The following BMPR1B variants were observed in gnomAD, a reference collection of about 807,000 sequenced individuals.
BMPR1B encodes bone morphogenetic protein receptor type-1B.
BMPR1B carries 12 observed loss-of-function variants against 59.1 expected under a neutral mutation model. The ratio of observed to expected loss-of-function variants is 0.20; its 90% CI spans 0.13 to 0.33. The LOEUF is 0.33. Ranked by LOEUF, BMPR1B falls within the 10% of genes least tolerant of loss-of-function variation. The pLI is 1.00. For missense variants in BMPR1B, 550 were observed against 610.9 expected (o/e 0.90, Z 1.05); for synonymous variants, 237 against 207.3 (o/e 1.14, Z -1.23).
At chr4:94,866,568 C>T (rs1287699199) in intron 1 of BMPR1B, among the ~76,000 whole-genome samples, 1 of 151,928 alleles carries the variant, frequency 6.6e-6, no homozygotes, top group Non-Finnish European at 1.5e-5. Flanking sequence ...ACCACCAATT[C>T]ATTGCTTTTT....
intron 1 of BMPR1B, among the ~76,000 whole-genome samples, chr4:94,794,693 C>A (rs931054473): frequency 2.0e-5 from 3 of 151,858 alleles, no homozygotes; most frequent in Non-Finnish European, 2.9e-5. Flanking sequence ...CTTTTATTTC[C>A]TTGAGCAGTG....
intron 3 of BMPR1B, among the ~76,000 whole-genome samples, chr4:95,049,140 GTC>G (rs891839514): frequency 2.6e-5 from 4 of 152,006 alleles, no homozygotes; most frequent in African/African-American, 9.7e-5. Context: ...TGGAGATGGG[GTC>G]TTGCTCTGTC....
At chr4:95,150,897 C>T (rs755553957) in intron 11 of BMPR1B, among the ~76,000 whole-genome samples, 3 of 152,142 alleles carry the variant, frequency 2.0e-5, no homozygotes, top group Non-Finnish European at 4.4e-5. Flanking sequence ...ATCTCAGAAA[C>T]GCATTTGTGA....
intron 3 of BMPR1B, among the ~76,000 whole-genome samples, chr4:95,075,422 T>C (rs1728629868): frequency 6.6e-6 from 1 of 152,210 alleles, no homozygotes. Context: ...TTTCACATGT[T>C]GTATGTAGAC....
rs139081492 is a variant in BMPR1B at position 94,850,801 on chromosome 4, A to G, written c.-182-25030A>G. Among the ~76,000 whole-genome samples, 658 of 152,152 alleles carry G rather than the reference A, an allele frequency of 4.3e-3. 6 individuals are homozygous for G. Among genetic ancestry groups the G allele is most frequent in the African/African-American group, 0.015 (629 of 41,516 alleles). On this transcript the variant is annotated intron_variant, in intron 1 of 12. Transcript: ENST00000515059. ...TTTCTTCGAAACTTACTCCAAACAGATATCCCAGATTGTTCTTGTATCTTA... is the reference window on the plus strand; with the variant it reads ...TTTCTTCGAAACTTACTCCAAACAGGTATCCCAGATTGTTCTTGTATCTTA...
chr4:94,849,793 G>GGTGT (rs1553912364), intron 1 of BMPR1B, among the ~76,000 whole-genome samples: 22 of 26,920 alleles, frequency 8.2e-4, no homozygotes, highest in Admixed American at 1.6e-3. Flanking sequence ...GGGGTTTTTT[G>GGTGT]GTGTGTGTGT....
chr4:94,834,165 A>G (rs1454254769), intron 1 of BMPR1B, among the ~76,000 whole-genome samples: 1 of 152,172 alleles, frequency 6.6e-6, no homozygotes, highest in Admixed American at 6.5e-5. Context: ...CCAAGGCTGT[A>G]GAAGGCACAG....
intron 1 of BMPR1B, among the ~76,000 whole-genome samples, chr4:94,829,688 T>C (rs6831418): frequency 0.63 from 96,024 of 152,002 alleles, 31,842 homozygotes; most frequent in African/African-American, 0.84. Context: ...TGCATAGAAA[T>C]GGAGAGGAAA....
chr4:94,827,745 A>G (rs1724436200), intron 1 of BMPR1B, among the ~76,000 whole-genome samples: 2 of 152,206 alleles, frequency 1.3e-5, no homozygotes, highest in South Asian at 4.1e-4. Flanking sequence ...AAGATTTTAA[A>G]TATTTATTTA....
chr4:95,046,728 A>G (rs1428818445), intron 3 of BMPR1B, among the ~76,000 whole-genome samples: 1 of 152,134 alleles, frequency 6.6e-6, no homozygotes, highest in African/African-American at 2.4e-5. Flanking sequence ...ACATTTTCAA[A>G]TGGAGACCTT....
chr4:94,784,939 C>T (rs1475235169), intron 1 of BMPR1B, among the ~76,000 whole-genome samples: 1 of 152,164 alleles, frequency 6.6e-6, no homozygotes, highest in Admixed American at 6.5e-5. Context: ...TGATGTGCCG[C>T]ATCTGGACCT....
intron 2 of BMPR1B, among the ~76,000 whole-genome samples, chr4:94,910,682 A>G (rs998906423): frequency 6.6e-6 from 1 of 152,032 alleles, no homozygotes; most frequent in Non-Finnish European, 1.5e-5. Context: ...CCCAGGCAGG[A>G]GAATCACTTG....
chr4:95,127,090 C>T (rs1021054490), intron 8 of BMPR1B, among the ~76,000 whole-genome samples: 5 of 99,448 alleles, frequency 5.0e-5, no homozygotes, highest in Non-Finnish European at 1.2e-4. Flanking sequence ...TGTCTTCTCA[C>T]AGTCCTGGAA....
rs149408266 is a variant in BMPR1B, at chr4:94,790,993, T to A, written c.-183+32925T>A. Reference sequence around the variant, plus strand: ...ACCTTACCAAGTAGGTCTTTTTGTTTGTTTGTTTTTCTGAGATGGAGTCTT... The same window carrying A: ...ACCTTACCAAGTAGGTCTTTTTGTTAGTTTGTTTTTCTGAGATGGAGTCTT... On this transcript the variant is annotated intron_variant, in intron 1 of 12. Coordinates refer to ENST00000515059, the MANE Select transcript of BMPR1B (RefSeq NM_001203.3). Among the ~76,000 whole-genome samples, 307 of 152,270 alleles carry A rather than the reference T, an allele frequency of 2.0e-3. 8 individuals are homozygous for A. Among genetic ancestry groups the A allele is most frequent in the East Asian group, 0.018 (91 of 5,176 alleles).
chr4:94,828,347 T>C (rs1423191373), intron 1 of BMPR1B, among the ~76,000 whole-genome samples: 1 of 152,190 alleles, frequency 6.6e-6, no homozygotes, highest in Non-Finnish European at 1.5e-5. Context: ...TACATGGTAA[T>C]AATTTGGGTT....
At chr4:94,837,282 T>C (rs1724862206) in intron 1 of BMPR1B, among the ~76,000 whole-genome samples, 1 of 149,758 alleles carries the variant, frequency 6.7e-6, no homozygotes, top group Non-Finnish European at 1.5e-5. Flanking sequence ...GTAGTTTTTT[T>C]CCATTTCTGT....
At chr4:94,968,805 G>C (rs1282297521) in intron 2 of BMPR1B, among the ~76,000 whole-genome samples, 3 of 151,934 alleles carry the variant, frequency 2.0e-5, no homozygotes, top group African/African-American at 7.3e-5. Flanking sequence ...CAAGGAATGT[G>C]GTCTTTTTGT....
chr4:95,124,082 A>G (rs1446163638), intron 7 of BMPR1B, among the ~76,000 whole-genome samples, 176 bp downstream of exon 7: 1 of 152,090 alleles, frequency 6.6e-6, no homozygotes, highest in South Asian at 2.1e-4. Flanking sequence ...TGAAGTTACA[A>G]ATAGATACCT....
At chr4:94,786,080 ATATAG>A (rs1368643836) in intron 1 of BMPR1B, among the ~76,000 whole-genome samples, 1 of 152,228 alleles carries the variant, frequency 6.6e-6, no homozygotes, top group Non-Finnish European at 1.5e-5. Flanking sequence ...TCTGTGAAGA[ATATAG>A]TATATGTTAA....
Sources: allele counts gnomAD v4.1 joint callset (sites outside exome capture counted in the v4.1 genomes callset), GRCh38; gene constraint gnomAD v4.1.1; transcripts MANE v1.5; gene names NCBI Gene and HGNC (gene_info 2026-07-23, HGNC 2026-07-21).